Variants in RBPMS observed in about 807,000 individuals in gnomAD.
RBPMS encodes RNA-binding protein with multiple splicing.
In RBPMS, 7 loss-of-function variants were observed where a neutral mutation model predicts 26.8. The observed-to-expected ratio is 0.26, with a 90% CI of 0.15 to 0.49. The LOEUF is 0.49. RBPMS is among the 20% of genes least tolerant of loss of function. The pLI is 0.98. For missense variants in RBPMS, 186 were observed against 250.0 expected (o/e 0.74, Z 1.73); for synonymous variants, 96 against 93.3 (o/e 1.03, Z -0.17).
At chr8:30,564,944 T>C (rs1827781373) in intron 7 of RBPMS, 1 of 151,982 alleles carries the variant, frequency 6.6e-6, no homozygotes, top group South Asian at 2.1e-4. Context: ...CCAGTACTTG[T>C]ATGAGTCGCA....
chr8:30,544,485 T>C lies in RBPMS; in HGVS notation c.398-9T>C. 1 of 1,612,828 alleles carries C rather than the reference T, an allele frequency of 6.2e-7. No individual in the cohort carries two copies. Among genetic ancestry groups the C allele is most frequent in the Non-Finnish European group, 8.5e-7 (1 of 1,178,848 alleles). On this transcript the variant is annotated splice_polypyrimidine_tract_variant and intron_variant, in intron 5 of 8. Coordinates refer to ENST00000397323, the MANE Select transcript of RBPMS (RefSeq NM_001008710.3). ...AACCACTAACTCTCGCCTTATTCTTTTCTTGCAGATGAGCTCACAGTGCCT... is the reference window on the plus strand; with the variant it reads ...AACCACTAACTCTCGCCTTATTCTTCTCTTGCAGATGAGCTCACAGTGCCT...
At chr8:30,475,071 T>C (rs1817544796) in intron 2 of RBPMS, among the ~76,000 whole-genome samples, 1 of 152,234 alleles carries the variant, frequency 6.6e-6, no homozygotes, top group African/African-American at 2.4e-5. Flanking sequence ...TAAGTGAAGA[T>C]TTATTTCTAG....
chr8:30,414,462 C>A (rs971429654), intron 1 of RBPMS, among the ~76,000 whole-genome samples: 1 of 152,188 alleles, frequency 6.6e-6, no homozygotes, highest in Non-Finnish European at 1.5e-5. Context: ...CCCAAGGTCA[C>A]TGGGCCATCT....
intron 1 of RBPMS, among the ~76,000 whole-genome samples, chr8:30,410,375 A>AT (rs1259197880): frequency 6.6e-6 from 1 of 151,524 alleles, no homozygotes; most frequent in Non-Finnish European, 1.5e-5. Flanking sequence ...TGCCCGGCTA[A>AT]TTTTTTGTAT....
In RBPMS at chr8:30,489,463, T is replaced by A. The variant is rs576612508; in HGVS notation, c.246+10086T>A. 3.3e-5 allele frequency among the ~76,000 whole-genome samples: 5 copies of A among 152,298 alleles called. No homozygotes were observed. In the South Asian group the frequency reaches 8.3e-4, roughly 25 times the overall value. On this transcript the variant is annotated intron_variant, in intron 4 of 8. Transcript: ENST00000397323. ...ATTCCTAAAGTCTCTTTTTCTTTTC[T>A]TTTCTTTTTTTCGAGACAGTCTCGC...
At chr8:30,445,023 A>G (rs1813575497) in intron 1 of RBPMS, 1 of 152,050 alleles carries the variant, frequency 6.6e-6, no homozygotes, top group Non-Finnish European at 1.5e-5. Flanking sequence ...TTTTCTTACC[A>G]AAGAGAGGTG....
intron 4 of RBPMS, among the ~76,000 whole-genome samples, chr8:30,487,921 A>G (rs1396728435): frequency 6.6e-6 from 1 of 152,146 alleles, no homozygotes; most frequent in Non-Finnish European, 1.5e-5. Flanking sequence ...TAACCTGGTC[A>G]TTGCATAAAA....
chr8:30,446,865 G>C (rs963905725), intron 1 of RBPMS: 2 of 150,776 alleles, frequency 1.3e-5, no homozygotes, highest in Admixed American at 6.6e-5. Context: ...GCGCGGTGGA[G>C]GGTAGTGGGG....
At chr8:30,560,657 C>A (rs1349905067) in intron 7 of RBPMS, among the ~76,000 whole-genome samples, 1 of 152,258 alleles carries the variant, frequency 6.6e-6, no homozygotes, top group African/African-American at 2.4e-5. Context: ...CAAATCCTTC[C>A]AAGGTCAGTG....
chr8:30,563,878 G>A (rs897741873), intron 7 of RBPMS, among the ~76,000 whole-genome samples: 2 of 152,108 alleles, frequency 1.3e-5, no homozygotes, highest in Admixed American at 6.5e-5. Context: ...ATCACACTGC[G>A]GTGCACCCAC....
intron 5 of RBPMS, among the ~76,000 whole-genome samples, chr8:30,514,153 CTT>C (rs1219250822): frequency 6.7e-6 from 1 of 148,644 alleles, no homozygotes; most frequent in African/African-American, 2.6e-5. Flanking sequence ...CTCCTGCACA[CTT>C]TGTTAAGAAA....
At chr8:30,414,180 C>T (rs1585383264) in intron 1 of RBPMS, among the ~76,000 whole-genome samples, 1 of 150,378 alleles carries the variant, frequency 6.6e-6, no homozygotes, top group Admixed American at 6.6e-5. Context: ...TATGCTGGCT[C>T]AGTGGCTGTC....
chr8:30,451,806 A>G (rs1185012095), intron 1 of RBPMS, among the ~76,000 whole-genome samples: 2 of 152,150 alleles, frequency 1.3e-5, no homozygotes, highest in Non-Finnish European at 1.5e-5. Context: ...AAATCTCCCA[A>G]ATCTCTCCTA....
chr8:30,460,500 C>G (rs1181584107), intron 1 of RBPMS, among the ~76,000 whole-genome samples: 1 of 152,138 alleles, frequency 6.6e-6, no homozygotes, highest in African/African-American at 2.4e-5. Context: ...GCTCTGTGAA[C>G]GTCCCTAGGC....
At chr8:30,561,003 T>C (rs1270176363) in intron 7 of RBPMS, among the ~76,000 whole-genome samples, 2 of 152,234 alleles carry the variant, frequency 1.3e-5, no homozygotes, top group Non-Finnish European at 2.9e-5. Context: ...ATTCTGAAAT[T>C]ACATGTCGTG....
chr8:30,532,732 C>G (rs1824365386), intron 5 of RBPMS, among the ~76,000 whole-genome samples: 1 of 152,118 alleles, frequency 6.6e-6, no homozygotes, highest in Admixed American at 6.5e-5. Context: ...TTTTCAGTGA[C>G]CATCTCCTCA....
chr8:30,525,812 T>TGCAGCTC, intron 5 of RBPMS, among the ~76,000 whole-genome samples: 1 of 152,246 alleles, frequency 6.6e-6, no homozygotes, highest in African/African-American at 2.4e-5. Flanking sequence ...CTCTGCAGGT[T>TGCAGCTC]GCAGCTCCTC....
chr8:30,479,909 A>G (rs1424654016), intron 4 of RBPMS, among the ~76,000 whole-genome samples: 1 of 152,146 alleles, frequency 6.6e-6, no homozygotes, highest in Non-Finnish European at 1.5e-5. Flanking sequence ...AATAAATTAC[A>G]GTCATTTGTA....
rs760285249 is a variant in RBPMS, at chr8:30,547,820, G to A, written c.528+3196G>A. Among the ~76,000 whole-genome samples the A allele has an allele frequency of 5.9e-5, 9 of 152,324 alleles. No homozygotes were observed. The South Asian group carries it at 8.3e-4, about 14-fold the overall frequency. On this transcript the variant is annotated intron_variant, in intron 6 of 8. Coordinates refer to ENST00000397323, the MANE Select transcript of RBPMS (RefSeq NM_001008710.3). Reference sequence around the variant, plus strand: ...CTAGCTAGGGGAGCCCCTGTGAAACGTGTGGGTGCAGTGTGCAGTCTGCCC... The same window carrying A: ...CTAGCTAGGGGAGCCCCTGTGAAACATGTGGGTGCAGTGTGCAGTCTGCCC...
Sources: gnomAD v4.1 joint callset for allele counts (sites outside exome capture counted in the v4.1 genomes callset) on GRCh38, gnomAD v4.1.1 for gene constraint, MANE v1.5 for transcripts, NCBI Gene and HGNC (gene_info 2026-07-23, HGNC 2026-07-21) for gene names.